Variants in BNC2 observed in about 807,000 individuals in gnomAD.
The protein encoded by BNC2 is zinc finger protein basonuclin-2.
Under a neutral mutation model 76.3 loss-of-function variants are expected in BNC2, and 20 were observed. That is an observed-to-expected ratio of 0.26 (90% CI 0.18 to 0.38). The LOEUF is 0.38. Among genes scored for constraint, BNC2 ranks in the 10% least tolerant of loss-of-function variants. The pLI is 1.00. For synonymous variants in BNC2, 582 were observed against 514.8 expected, an observed-to-expected ratio of 1.13 and a Z score of -1.77; for missense variants, 1,382 against 1,399.8, an observed-to-expected ratio of 0.99 and a Z score of 0.20.
At chr9:16,549,434 TTGA>T (rs1818591818) in intron 5 of BNC2, among the ~76,000 whole-genome samples, 1 of 152,214 alleles carries the variant, frequency 6.6e-6, no homozygotes, top group Non-Finnish European at 1.5e-5. Context: ...AATGCTAAAA[TTGA>T]TGCCTTGAGG....
At chr9:16,647,519 T>A (rs1237964095) in intron 3 of BNC2, among the ~76,000 whole-genome samples, 2 of 151,504 alleles carry the variant, frequency 1.3e-5, no homozygotes, top group East Asian at 3.9e-4. Flanking sequence ...GCAGAGAGAG[T>A]TTTTCTATTA....
intron 3 of BNC2, among the ~76,000 whole-genome samples, chr9:16,697,558 C>T (rs1823375993): frequency 6.6e-6 from 1 of 151,706 alleles, no homozygotes; most frequent in African/African-American, 2.4e-5. Context: ...CCCATCTCTA[C>T]TAAAATATTT....
chr9:16,625,295 G>A (rs1820963447), intron 3 of BNC2, among the ~76,000 whole-genome samples: 1 of 152,052 alleles, frequency 6.6e-6, no homozygotes, highest in South Asian at 2.1e-4. Context: ...AAATAGTTGT[G>A]GTAATTCAAT....
At chr9:16,585,663 A>T (rs2133091589) in intron 3 of BNC2, among the ~76,000 whole-genome samples, 1 of 152,356 alleles carries the variant, frequency 6.6e-6, no homozygotes. Context: ...TTCACAACAA[A>T]ATAGAACCAA....
intron 3 of BNC2, among the ~76,000 whole-genome samples, chr9:16,640,031 T>G (rs573859263): frequency 7.2e-5 from 11 of 152,224 alleles, no homozygotes; most frequent in African/African-American, 2.6e-4. Context: ...TATGAACCCA[T>G]TTCTATTATA....
At chr9:16,711,018 C>T (rs976942013) in intron 3 of BNC2, among the ~76,000 whole-genome samples, 2 of 152,098 alleles carry the variant, frequency 1.3e-5, no homozygotes, top group African/African-American at 4.8e-5. Context: ...AGCTCTTGGC[C>T]ATCACTGCTG....
At chr9:16,503,834 C>T (rs920774406) in intron 5 of BNC2, among the ~76,000 whole-genome samples, 10 of 152,060 alleles carry the variant, frequency 6.6e-5, no homozygotes, top group African/African-American at 2.4e-4. Context: ...ATTATGTGGG[C>T]CTCTTCATGT....
chr9:16,519,921 C>T (rs1168406059), intron 5 of BNC2, among the ~76,000 whole-genome samples: 1 of 152,168 alleles, frequency 6.6e-6, no homozygotes, highest in Non-Finnish European at 1.5e-5. Context: ...ACCCACGAGA[C>T]AGTCAACAGA....
chr9:16,654,165 T>C (rs1279310318), intron 3 of BNC2, among the ~76,000 whole-genome samples: 2 of 152,196 alleles, frequency 1.3e-5, no homozygotes, highest in Admixed American at 6.5e-5. Context: ...CACAGGCTCT[T>C]AGGCAACTAC....
intron 4 of BNC2, among the ~76,000 whole-genome samples, chr9:16,557,055 G>A (rs566902258): frequency 4.6e-5 from 7 of 152,226 alleles, no homozygotes; most frequent in Non-Finnish European, 8.8e-5. Context: ...GATCTTGTAG[G>A]GTTAGGAATA....
At chr9:16,650,899 C>T (rs72704074) in intron 3 of BNC2, among the ~76,000 whole-genome samples, 417 of 152,228 alleles carry the variant, frequency 2.7e-3, no homozygotes, top group Non-Finnish European at 4.9e-3. Context: ...TTGACATGTG[C>T]TATACGTAAT....
chr9:16,658,578 A>T (rs1054279632), intron 3 of BNC2, among the ~76,000 whole-genome samples: 2 of 152,178 alleles, frequency 1.3e-5, no homozygotes, highest in African/African-American at 4.8e-5. Context: ...ATTAGAGGGA[A>T]CAGTTCCAAT....
intron 5 of BNC2, among the ~76,000 whole-genome samples, chr9:16,445,684 G>C (rs1298233759): frequency 6.6e-6 from 1 of 152,094 alleles, no homozygotes; most frequent in East Asian, 1.9e-4. Flanking sequence ...TCAGGGTGTG[G>C]CATGGGCAGA....
At chr9:16,845,317 T>G (rs1385728664) in intron 1 of BNC2, among the ~76,000 whole-genome samples, 1 of 109,410 alleles carries the variant, frequency 9.1e-6, no homozygotes, top group Admixed American at 1.0e-4. Flanking sequence ...AACACCAGCT[T>G]TTTTACAGTT....
chr9:16,711,044 A>T (rs1269948446), intron 3 of BNC2, among the ~76,000 whole-genome samples: 1 of 151,748 alleles, frequency 6.6e-6, no homozygotes, highest in East Asian at 1.9e-4. Flanking sequence ...CGCTCCCTCT[A>T]ATGAGAGCAG....
intron 4 of BNC2, among the ~76,000 whole-genome samples, chr9:16,567,404 A>G (rs1009359018): frequency 6.6e-6 from 1 of 152,226 alleles, no homozygotes; most frequent in Non-Finnish European, 1.5e-5. Context: ...TGTATAAAAT[A>G]GTGCTGGGGG....
At chr9:16,805,520 G>A (rs1311402208) in intron 1 of BNC2, among the ~76,000 whole-genome samples, 1 of 151,868 alleles carries the variant, frequency 6.6e-6, no homozygotes, top group Non-Finnish European at 1.5e-5. Flanking sequence ...TACAGACGGG[G>A]TTTCATCATA....
Position 16,419,507 on chromosome 9 carries a change from C to T in BNC2, c.2782G>A (p.Gly928Arg). 3.1e-6 allele frequency: 5 copies of T among 1,614,118 alleles called. No individual in the cohort carries two copies. Among genetic ancestry groups the T allele is most frequent in the South Asian group, 2.2e-5 (2 of 91,074 alleles). ...GAGGCGTCTTCCCTGACATCGAGCC[C>T]CATGGGGTGCTGGGCACCATATATC... ...VKIYGAQHPM[G>R]LDVREDASSP... The change falls in exon 7 of 7, where the codon GGG becomes AGG. Residue 928 changes from glycine to arginine, a missense_variant. Gly to Arg is a moderately radical substitution (Grantham distance 125, BLOSUM62 -2). Around this residue, in one of 3 missense-constraint regions of BNC2, gnomAD observed 798 missense variants for 775.5 expected, o/e 1.03. Coordinates refer to ENST00000380672, the MANE Select transcript of BNC2 (RefSeq NM_017637.6).
rs16934864 is a variant in BNC2 at position 16,620,891 on chromosome 9, C to T, written c.331-37806G>A. 1.6e-3 allele frequency among the ~76,000 whole-genome samples: 248 copies of T among 152,264 alleles called. 6 individuals carry two copies. In the East Asian group the frequency reaches 0.044, roughly 27 times the overall value. On this transcript the variant is annotated intron_variant, in intron 3 of 6. Transcript: ENST00000380672. ...ATATGACTTATTTCTGTAGGATGTT[C>T]TTACACACACAGAGGTAACACCACC...
Sources: allele counts gnomAD v4.1 joint callset (sites outside exome capture counted in the v4.1 genomes callset), GRCh38; gene constraint gnomAD v4.1.1; regional missense constraint gnomAD v4.1.1; transcripts MANE v1.5; gene names NCBI Gene and HGNC (gene_info 2026-07-23, HGNC 2026-07-21).